CPM: variants seen among roughly 807,000 people sequenced by gnomAD.
The protein encoded by CPM is renal carboxypeptidase.
A neutral mutation model predicts 46.4 loss-of-function variants in CPM; 35 were observed. The observed-to-expected ratio is 0.75, with a 90% CI of 0.58 to 1.00. The LOEUF (loss-of-function observed/expected upper bound fraction) is 1.00, where lower values mean the gene tolerates loss of function less well. Ranked by LOEUF, CPM falls within the 50% of genes least tolerant of loss-of-function variation. The pLI is 0.00. For synonymous variants in CPM, 195 were observed against 195.3 expected (o/e 1.00, Z 0.01); for missense variants, 422 against 530.4 (o/e 0.80, Z 2.01).
At position 68,866,988 on chromosome 12, in the gene CPM, G is replaced by A. The variant is rs1260551032; in HGVS notation, c.848C>T (p.Ser283Leu). 1.9e-6 allele frequency: 3 copies of A among 1,614,012 alleles called. No individual in the cohort carries two copies. The highest frequency in any genetic ancestry group is 3.3e-5 in the Admixed American group (2 of 60,006). ...CTCCTCACGAGGATATTTACAGCAT[G>A]ACAGCTCCAACGTAATTTCAAAACA... ...AQCFEITLEL[S>L]CCKYPREEKL... The change falls in exon 7 of 9, where the codon TCA becomes TTA. Residue 283 changes from serine to leucine, a missense_variant. Coordinates refer to ENST00000551568, the MANE Select transcript of CPM (RefSeq NM_198320.5).
chr12:68,914,725 T>A lies in CPM; in HGVS notation c.160+17953A>T, dbSNP rs544386485. 3.3e-5 allele frequency among the ~76,000 whole-genome samples: 5 copies of A among 152,264 alleles called. No individual in the cohort carries two copies. The South Asian group carries it at 1.0e-3, about 32-fold the overall frequency. On this transcript the variant is annotated intron_variant, in intron 2 of 8. Coordinates refer to ENST00000551568, the MANE Select transcript of CPM (RefSeq NM_198320.5). ...GAATGCATCCCCAAGCGGTCCTCTG[T>A]CTCCTCACCTATTGAAGTGGCCTAG...
intron 3 of CPM, 80 bp from the exon 4 acceptor site, chr12:68,872,036 A>T: frequency 1.4e-6 from 2 of 1,407,678 alleles, no homozygotes; most frequent in Middle Eastern, 1.9e-4. Flanking sequence ...CAAATTCCCC[A>T]ATAGGGGTCT....
Position 68,876,893 on chromosome 12 carries a change from CGTGTGT to C in CPM, c.259-4943_259-4938del, listed in dbSNP as rs59366545. Among the ~76,000 whole-genome samples the C allele has an allele frequency of 1.5e-3, 226 of 148,342 alleles. 1 individual carries two copies. The Middle Eastern group carries it at 0.018, about 12-fold the overall frequency. ...GTGTGTGTGTGTGTGCACGCGCATG[CGTGTGT>C]GTGTGTGTGTGTGTGTGTGTGAGAG... On this transcript the variant is annotated intron_variant, in intron 3 of 8. Transcript: ENST00000551568.
chr12:68,877,055 T>C (rs1885989960), intron 3 of CPM, among the ~76,000 whole-genome samples: 1 of 152,206 alleles, frequency 6.6e-6, no homozygotes, highest in Admixed American at 6.5e-5. Context: ...GTTATAGATT[T>C]AAGTTATTTG....
intron 8 of CPM, among the ~76,000 whole-genome samples, chr12:68,857,236 T>A (rs1885018769): frequency 6.6e-6 from 1 of 151,654 alleles, no homozygotes; most frequent in Admixed American, 6.6e-5. Flanking sequence ...TCTTGGCTCA[T>A]TGCAACCTCC....
chr12:68,961,451 T>C (rs1383659763), intron 1 of CPM, among the ~76,000 whole-genome samples: 1 of 152,096 alleles, frequency 6.6e-6, no homozygotes, highest in Non-Finnish European at 1.5e-5. Context: ...CAGCCTAAAT[T>C]TTTTATTACA....
rs76413478 is a variant in CPM, at chr12:68,909,199, T to C, written c.161-23310A>G. The stretch of plus-strand genomic sequence containing the variant: ...CTGGAATGACAGGAATGCACCATCA[T>C]GCCTGGCTAGTTTTTAAAAAAATTT... On this transcript the variant is annotated intron_variant, in intron 2 of 8. Coordinates refer to ENST00000551568, the MANE Select transcript of CPM (RefSeq NM_198320.5). 7.2e-3 allele frequency among the ~76,000 whole-genome samples: 1,096 copies of C among 152,300 alleles called. 9 individuals carry two copies. The highest frequency in any genetic ancestry group is 0.024 in the Middle Eastern group (7 of 294).
At chr12:68,938,378 G>A (rs1336910107) in intron 1 of CPM, among the ~76,000 whole-genome samples, 1 of 151,124 alleles carries the variant, frequency 6.6e-6, no homozygotes, top group African/African-American at 2.4e-5. Flanking sequence ...CATTCTGGGT[G>A]ACAGAATGAG....
chr12:68,868,376 C>G (rs1481356361), intron 6 of CPM, among the ~76,000 whole-genome samples: 1 of 152,148 alleles, frequency 6.6e-6, no homozygotes, highest in African/African-American at 2.4e-5. Context: ...GAAAGATTAC[C>G]TGAAAGCCTG....
At chr12:68,871,660 G>T in intron 4 of CPM, 124 bp downstream of exon 4, 2 of 1,043,704 alleles carry the variant, frequency 1.9e-6, no homozygotes, top group South Asian at 1.5e-5. Context: ...GCACATCAGC[G>T]ACATGACACC....
At chr12:68,946,637 C>T (rs1888852485) in intron 1 of CPM, among the ~76,000 whole-genome samples, 1 of 152,178 alleles carries the variant, frequency 6.6e-6, no homozygotes, top group Non-Finnish European at 1.5e-5. Context: ...CTCAATTCCT[C>T]AAAGCAGTCT....
In CPM at chr12:68,851,456, A is replaced by G. The variant is rs555617040; in HGVS notation, c.*4981T>C. On this transcript the variant is annotated 3_prime_UTR_variant, in exon 9 of 9. Transcript: ENST00000551568. ...GAAACCCCGTCTCTACTACAAATAC[A>G]AAAAATTAGCCGGGCGTGGAGACAG... The G allele has an allele frequency of 6.6e-6, 1 of 152,250 alleles. No homozygotes were observed. The highest frequency in any genetic ancestry group is 1.9e-4 in the East Asian group (1 of 5,172). 9.4% of individuals were successfully genotyped at this position (152,250 alleles called of 1,614,324 possible). A position where few individuals can be genotyped will look rare whatever the true frequency, so the allele number is the denominator to read the frequency against.
chr12:68,896,024 C>A (rs1022469283), intron 2 of CPM, among the ~76,000 whole-genome samples: 2 of 152,204 alleles, frequency 1.3e-5, no homozygotes, highest in African/African-American at 4.8e-5. Flanking sequence ...GCACACCAGA[C>A]CTCTTGGGAT....
chr12:68,852,387 C>T lies in CPM; in HGVS notation c.*4050G>A, dbSNP rs1404184466. 6.6e-6 allele frequency: 1 copy of T among 152,142 alleles called. No individual in the cohort carries two copies. Among genetic ancestry groups the T allele is most frequent in the East Asian group, 1.9e-4 (1 of 5,200 alleles). The allele number at this position is 152,142 out of a possible 1,614,324, so 9.4% of individuals were successfully genotyped here. On this transcript the variant is annotated 3_prime_UTR_variant, in exon 9 of 9. Transcript: ENST00000551568. The stretch of plus-strand genomic sequence containing the variant: ...AAAATACTTATTACCTGAGTGTTAA[C>T]TATCATCTTTCCTCCACCTGAACAA...
intron 1 of CPM, among the ~76,000 whole-genome samples, chr12:68,946,541 C>T (rs534667974): frequency 6.6e-6 from 1 of 152,256 alleles, no homozygotes; most frequent in South Asian, 2.1e-4. Flanking sequence ...CAGAAAGGGA[C>T]ATTTTTACTT....
At chr12:68,933,649 G>T (rs955345181), upstream of CPM, among the ~76,000 whole-genome samples, 1 of 152,172 alleles carries the variant, frequency 6.6e-6, no homozygotes, top group Non-Finnish European at 1.5e-5. Context: ...GGGCTCCTGC[G>T]GGACGGGCGG....
At chr12:68,920,367 CAT>C (rs529669742) in intron 2 of CPM, among the ~76,000 whole-genome samples, 18 of 152,324 alleles carry the variant, frequency 1.2e-4, no homozygotes, top group African/African-American at 4.3e-4. Flanking sequence ...ACGCTTCCCA[CAT>C]GTCTCTAGGT....
At chr12:68,919,523 TA>T (rs1359460602) in intron 2 of CPM, among the ~76,000 whole-genome samples, 7 of 152,174 alleles carry the variant, frequency 4.6e-5, no homozygotes, top group African/African-American at 1.7e-4. Context: ...GCTCTCAGTG[TA>T]AAAAATGTTT....
At chr12:68,930,254 G>A (rs1888445249) in intron 2 of CPM, among the ~76,000 whole-genome samples, 1 of 152,136 alleles carries the variant, frequency 6.6e-6, no homozygotes, top group Non-Finnish European at 1.5e-5. Context: ...TTAATTTTTT[G>A]TATTTTTAGT....
Sources: gnomAD v4.1 joint callset for allele counts (sites outside exome capture counted in the v4.1 genomes callset) on GRCh38, gnomAD v4.1.1 for gene constraint, MANE v1.5 for transcripts, NCBI Gene and HGNC (gene_info 2026-07-23, HGNC 2026-07-21) for gene names.